Variants in ZMPSTE24 observed in about 807,000 individuals in gnomAD.
The protein encoded by ZMPSTE24 is zinc metallopeptidase STE24, also known as CAAX prenyl protease 1 homolog.
In ZMPSTE24, 48 loss-of-function variants were observed where a neutral mutation model predicts 56.7. That is an observed-to-expected ratio of 0.85 (90% CI 0.67 to 1.08). The LOEUF is 1.08. Ranked by LOEUF, ZMPSTE24 falls within the 50% of genes least tolerant of loss-of-function variation. The pLI is 0.00. For synonymous variants in ZMPSTE24, 172 were observed against 195.2 expected (o/e 0.88, Z 0.99); for missense variants, 503 against 548.7 (o/e 0.92, Z 0.83).
chr1:40,265,735 A>G (rs1643542453), intron 2 of ZMPSTE24, among the ~76,000 whole-genome samples: 1 of 152,196 alleles, frequency 6.6e-6, no homozygotes, highest in African/African-American at 2.4e-5. Context: ...ATGATTTTCA[A>G]ACTTTAGTGT....
intron 5 of ZMPSTE24, 66 bp downstream of exon 5, chr1:40,270,193 T>C (rs1457200592): frequency 5.2e-6 from 8 of 1,548,834 alleles, no homozygotes; most frequent in South Asian, 1.1e-5. Flanking sequence ...GTAATCTTCA[T>C]TGGCATGTAA....
intron 1 of ZMPSTE24, 47 bp from the exon 2 acceptor site, chr1:40,260,792 G>GTAATA: frequency 1.3e-6 from 2 of 1,583,360 alleles, no homozygotes; most frequent in Non-Finnish European, 1.7e-6. Context: ...AATGACTATT[G>GTAATA]TAATAAACAA....
At chr1:40,286,065 G>T in intron 8 of ZMPSTE24, 36 bp downstream of exon 8, 1 of 1,561,850 alleles carries the variant, frequency 6.4e-7, no homozygotes, top group South Asian at 1.1e-5. Flanking sequence ...TTTATGGCAT[G>T]ATAGTCAAAT....
rs377705796 is a variant in ZMPSTE24 at position 40,284,557 on chromosome 1, G to A, written c.955-1368G>A. On this transcript the variant is annotated intron_variant, in intron 7 of 9. Coordinates refer to ENST00000372759, the MANE Select transcript of ZMPSTE24 (RefSeq NM_005857.5). ...ACCTGCAGTCAGGAGTTCGAGACCA[G>A]CCTGACTCACATGGTGAAACCCTGT... is the stretch of plus-strand genomic sequence containing the variant. Among the ~76,000 whole-genome samples, 13 of 151,988 alleles carry A rather than the reference G, an allele frequency of 8.6e-5. 1 individual carries two copies. The highest frequency in any genetic ancestry group is 4.0e-4 in the East Asian group (2 of 5,054).
intron 2 of ZMPSTE24, among the ~76,000 whole-genome samples, chr1:40,266,761 GTT>G (rs3075102): frequency 5.7e-5 from 5 of 88,112 alleles, no homozygotes; most frequent in African/African-American, 1.4e-4. Flanking sequence ...TTTCGAACAA[GTT>G]TTTTTTTTTT....
chr1:40,292,063 A>C (rs1278576221), intron 9 of ZMPSTE24, among the ~76,000 whole-genome samples: 1 of 151,784 alleles, frequency 6.6e-6, no homozygotes, highest in East Asian at 1.9e-4. Flanking sequence ...TTGGTCTCGA[A>C]CTCCTGACCT....
intron 6 of ZMPSTE24, among the ~76,000 whole-genome samples, chr1:40,273,148 A>G (rs976788107): frequency 1.3e-5 from 2 of 152,236 alleles, no homozygotes; most frequent in Non-Finnish European, 2.9e-5. Context: ...AGCAGAAACA[A>G]TCACAGGGTT....
chr1:40,278,557 C>CAA (rs397979953), intron 6 of ZMPSTE24, among the ~76,000 whole-genome samples: 411 of 19,560 alleles, frequency 0.021, 105 homozygotes, highest in Non-Finnish European at 0.03. Context: ...GACTCCGTCT[C>CAA]AAAAAAAAAA....
At chr1:40,262,784 G>T in intron 2 of ZMPSTE24, 1 of 1,169,342 alleles carries the variant, frequency 8.6e-7, no homozygotes, top group Non-Finnish European at 1.1e-6. Flanking sequence ...ATGTCTGACG[G>T]CTGAGTTTTG....
At chr1:40,273,673 T>TA (rs1182405503) in intron 6 of ZMPSTE24, among the ~76,000 whole-genome samples, 3 of 147,052 alleles carry the variant, frequency 2.0e-5, no homozygotes, top group Middle Eastern at 3.5e-3. Context: ...AGTTCATACT[T>TA]ACTTCTTTAG....
chr1:40,281,815 A>G (rs1303375741), intron 7 of ZMPSTE24, among the ~76,000 whole-genome samples: 1 of 152,074 alleles, frequency 6.6e-6, no homozygotes, highest in Non-Finnish European at 1.5e-5. Context: ...GTGTATATAT[A>G]TATATGTGTG....
Position 40,292,776 on chromosome 1 carries a change from A to C in ZMPSTE24, c.*107A>C. The C allele has an allele frequency of 1.1e-6, 1 of 904,556 alleles. No individual in the cohort carries two copies. Among genetic ancestry groups the C allele is most frequent in the Non-Finnish European group, 1.7e-6 (1 of 574,954 alleles). 56.0% of individuals were successfully genotyped at this position (904,556 alleles called of 1,614,324 possible). On this transcript the variant is annotated 3_prime_UTR_variant, in exon 10 of 10. Coordinates refer to ENST00000372759, the MANE Select transcript of ZMPSTE24 (RefSeq NM_005857.5). ...TTTTTTTAGAAGAAAAATTAAGTACAGAAAAGCCCAGATTTAAATACATTT... is the reference window on the plus strand; with the variant it reads ...TTTTTTTAGAAGAAAAATTAAGTACCGAAAAGCCCAGATTTAAATACATTT...
At chr1:40,281,205 G>A (rs1039604617) in intron 6 of ZMPSTE24, 138 bp from the exon 7 acceptor site, 1 of 877,060 alleles carries the variant, frequency 1.1e-6, no homozygotes, top group African/African-American at 1.7e-5. Flanking sequence ...GGTGAATTAT[G>A]TTGATATGAT....
At chr1:40,273,535 AAAATATATATATAT>A (rs1233955271) in intron 6 of ZMPSTE24, among the ~76,000 whole-genome samples, 5 of 45,488 alleles carry the variant, frequency 1.1e-4, no homozygotes, top group East Asian at 8.1e-4. Flanking sequence ...AAAAAAAAAA[AAAATATATATATAT>A]ATATATATAT....
chr1:40,273,532 AAAAAAATATATATAT>A (rs1462815820), intron 6 of ZMPSTE24, among the ~76,000 whole-genome samples: 1 of 81,546 alleles, frequency 1.2e-5, no homozygotes, highest in African/African-American at 6.5e-5. Context: ...AAAAAAAAAA[AAAAAAATATATATAT>A]ATATATATAT....
At chr1:40,277,802 C>T (rs1456500689) in intron 6 of ZMPSTE24, among the ~76,000 whole-genome samples, 2 of 151,636 alleles carry the variant, frequency 1.3e-5, no homozygotes, top group Admixed American at 1.3e-4. Context: ...AACCCCGTCT[C>T]TACTAAAAAT....
At position 40,285,819 on chromosome 1, in the gene ZMPSTE24, A is replaced by G. The variant is rs1643781572; in HGVS notation, c.955-106A>G. The G allele has an allele frequency of 4.3e-6, 4 of 929,014 alleles. No homozygotes were observed. In the East Asian group the frequency reaches 1.1e-4, roughly 26 times the overall value. 57.5% of individuals were successfully genotyped at this position (929,014 alleles called of 1,614,324 possible). On this transcript the variant is annotated intron_variant, in intron 7 of 9. Coordinates refer to ENST00000372759, the MANE Select transcript of ZMPSTE24 (RefSeq NM_005857.5). ...AAGACAATCAACAGTTTTGAACAAA[A>G]CTGATTATTTCTTTAAGTTAAAATC...
intron 2 of ZMPSTE24, among the ~76,000 whole-genome samples, chr1:40,265,318 T>A (rs1301495158): frequency 6.6e-6 from 1 of 152,216 alleles, no homozygotes; most frequent in Non-Finnish European, 1.5e-5. Flanking sequence ...CAGACAGTGG[T>A]ACCAAAGCAT....
chr1:40,290,481 G>A, intron 8 of ZMPSTE24, among the ~76,000 whole-genome samples: 1 of 32,180 alleles, frequency 3.1e-5, no homozygotes, highest in African/African-American at 1.9e-4. Context: ...TTTTTTTTGA[G>A]ATGGAGTCTC....
Sources: allele counts gnomAD v4.1 joint callset (sites outside exome capture counted in the v4.1 genomes callset), GRCh38; gene constraint gnomAD v4.1.1; transcripts MANE v1.5; gene names NCBI Gene and HGNC (gene_info 2026-07-23, HGNC 2026-07-21).